The following AGBL1 variants were observed in gnomAD, a reference collection of about 807,000 sequenced individuals.
AGBL1 encodes cytosolic carboxypeptidase 4.
AGBL1 carries 130 observed loss-of-function variants against 118.9 expected under a neutral mutation model. The ratio of observed to expected loss-of-function variants is 1.09; its 90% CI spans 0.95 to 1.26. The LOEUF is 1.26. Ranked by LOEUF, AGBL1 falls within the 50% of genes most tolerant of loss-of-function variation. AGBL1 has a pLI of 0.00. For missense variants in AGBL1, 1,584 were observed against 1,298.1 expected, an observed-to-expected ratio of 1.22 and a Z score of -3.38; for synonymous variants, 555 against 478.9, an observed-to-expected ratio of 1.16 and a Z score of -2.08.
At chr15:86,759,779 C>T (rs556601930) in intron 22 of AGBL1, among the ~76,000 whole-genome samples, 9 of 152,036 alleles carry the variant, frequency 5.9e-5, no homozygotes, top group African/African-American at 1.4e-4. Context: ...ACATTCTTCT[C>T]GATGATCTTC....
chr15:86,166,561 C>T (rs2141733819), intron 5 of AGBL1, among the ~76,000 whole-genome samples: 1 of 152,296 alleles, frequency 6.6e-6, no homozygotes, highest in South Asian at 2.1e-4. Context: ...TCCAGGGGGG[C>T]TCTAGTCCCT....
At chr15:86,979,127 G>A (rs1021472658) in intron 23 of AGBL1, among the ~76,000 whole-genome samples, 1 of 152,124 alleles carries the variant, frequency 6.6e-6, no homozygotes, top group African/African-American at 2.4e-5. Flanking sequence ...CATTAAAACT[G>A]AACTATTTCT....
intron 5 of AGBL1, among the ~76,000 whole-genome samples, chr15:86,223,909 C>T (rs1316900114): frequency 6.6e-6 from 1 of 152,084 alleles, no homozygotes; most frequent in Non-Finnish European, 1.5e-5. Context: ...CAGGCAGAGG[C>T]CAGGGTAGGG....
At chr15:86,600,564 A>G (rs563760978) in intron 21 of AGBL1, among the ~76,000 whole-genome samples, 1 of 152,184 alleles carries the variant, frequency 6.6e-6, no homozygotes, top group South Asian at 2.1e-4. Flanking sequence ...GCAGTATGGG[A>G]TGGGTTTACT....
At chr15:86,691,562 A>C (rs770198022) in intron 22 of AGBL1, among the ~76,000 whole-genome samples, 1 of 152,178 alleles carries the variant, frequency 6.6e-6, no homozygotes. Context: ...TGTTTGATGC[A>C]TGAGAGGGAA....
In AGBL1 at chr15:86,537,651, A is replaced by G. The variant is rs147574285; in HGVS notation, c.2686-8351A>G. On this transcript the variant is annotated intron_variant, in intron 19 of 22. Transcript: ENST00000614907. ...TTATATTGTTCTTCATCACTCGTCCATCAAATGTTTTAAAATGTCGTGTTT... is the reference window on the plus strand; with the variant it reads ...TTATATTGTTCTTCATCACTCGTCCGTCAAATGTTTTAAAATGTCGTGTTT... 2.5e-3 allele frequency among the ~76,000 whole-genome samples: 384 copies of G among 152,342 alleles called. 10 individuals are homozygous for G. In the East Asian group the frequency reaches 0.051, roughly 20 times the overall value.
chr15:86,668,829 A>G (rs953957617), intron 21 of AGBL1, among the ~76,000 whole-genome samples: 2 of 152,228 alleles, frequency 1.3e-5, no homozygotes, highest in Non-Finnish European at 2.9e-5. Flanking sequence ...CAAAGGGACA[A>G]TGTGGGCATA....
At chr15:86,168,392 A>G (rs550707160) in intron 5 of AGBL1, among the ~76,000 whole-genome samples, 1 of 152,204 alleles carries the variant, frequency 6.6e-6, no homozygotes, top group African/African-American at 2.4e-5. Context: ...AAGACAAAAA[A>G]GCATGAAAAC....
At chr15:86,686,654 G>A (rs1386307260) in intron 22 of AGBL1, among the ~76,000 whole-genome samples, 1 of 151,982 alleles carries the variant, frequency 6.6e-6, no homozygotes, top group African/African-American at 2.4e-5. Context: ...GGCCAGGCTG[G>A]TCTTGAACTC....
chr15:86,404,437 C>T (rs1210820494), intron 18 of AGBL1, among the ~76,000 whole-genome samples: 1 of 152,180 alleles, frequency 6.6e-6, no homozygotes, highest in Non-Finnish European at 1.5e-5. Flanking sequence ...TCACCAGGAG[C>T]TTAGACTGTC....
At chr15:86,325,610 C>T (rs2080171804) in intron 17 of AGBL1, among the ~76,000 whole-genome samples, 1 of 152,170 alleles carries the variant, frequency 6.6e-6, no homozygotes, top group Non-Finnish European at 1.5e-5. Context: ...TGTTATATCA[C>T]CGAGTGGGCC....
chr15:86,903,002 C>T (rs780138020), intron 22 of AGBL1, among the ~76,000 whole-genome samples: 40 of 151,914 alleles, frequency 2.6e-4, no homozygotes, highest in Admixed American at 1.2e-3. Context: ...CCTTCACAGC[C>T]TCTCTTCTTT....
At chr15:86,548,411 G>T (rs978324954) in intron 20 of AGBL1, among the ~76,000 whole-genome samples, 8 of 152,126 alleles carry the variant, frequency 5.3e-5, no homozygotes, top group Non-Finnish European at 1.0e-4. Context: ...AGAGGTCAGT[G>T]AATCCTCTCT....
intron 18 of AGBL1, among the ~76,000 whole-genome samples, chr15:86,454,957 G>A (rs1023412173): frequency 1.3e-5 from 2 of 152,144 alleles, no homozygotes; most frequent in Non-Finnish European, 2.9e-5. Flanking sequence ...AATTCCCACT[G>A]AAATCTTCAG....
intron 1 of AGBL1, among the ~76,000 whole-genome samples, chr15:86,084,645 G>A (rs1338908912): frequency 2.6e-5 from 4 of 152,236 alleles, no homozygotes; most frequent in African/African-American, 7.2e-5. Flanking sequence ...AAACCTGAAG[G>A]TTGGGGCAAT....
chr15:87,029,720 C>T (rs939297256), downstream of AGBL1, among the ~76,000 whole-genome samples: 1 of 151,834 alleles, frequency 6.6e-6, no homozygotes, highest in Non-Finnish European at 1.5e-5. Flanking sequence ...TTGTATTTCT[C>T]TAGAATATAA....
At chr15:86,197,050 G>A (rs2077824983) in intron 5 of AGBL1, among the ~76,000 whole-genome samples, 1 of 152,132 alleles carries the variant, frequency 6.6e-6, no homozygotes, top group African/African-American at 2.4e-5. Context: ...CATTTCTGTT[G>A]CTTAACCCAC....
intron 1 of AGBL1, among the ~76,000 whole-genome samples, chr15:86,084,807 T>C (rs1427810795): frequency 2.6e-5 from 4 of 152,134 alleles, no homozygotes; most frequent in Non-Finnish European, 4.4e-5. Flanking sequence ...TATCCATCTG[T>C]ATATTCACTC....
At chr15:86,670,479 C>T (rs2085721331) in intron 21 of AGBL1, among the ~76,000 whole-genome samples, 1 of 151,648 alleles carries the variant, frequency 6.6e-6, no homozygotes, top group South Asian at 2.1e-4. Flanking sequence ...TGGCAGGTAT[C>T]TGTAATCACA....
Sources: allele counts gnomAD v4.1 joint callset (sites outside exome capture counted in the v4.1 genomes callset), GRCh38; gene constraint gnomAD v4.1.1; transcripts MANE v1.5; gene names NCBI Gene and HGNC (gene_info 2026-07-23, HGNC 2026-07-21).